Variants in TRAP1 observed in about 807,000 individuals in gnomAD.
TRAP1 encodes heat shock protein 75 kDa, mitochondrial.
Under a neutral mutation model 89.1 loss-of-function variants are expected in TRAP1, and 102 were observed. That is an observed-to-expected ratio of 1.15 (90% confidence interval 0.98 to 1.35). The LOEUF (loss-of-function observed/expected upper bound fraction) is 1.35. Among genes scored for constraint, TRAP1 ranks in the 40% most tolerant of loss-of-function variants. The pLI, the probability that TRAP1 is intolerant of heterozygous loss-of-function variation, is 0.00. For missense variants in TRAP1, 1,256 were observed against 945.3 expected (o/e 1.33, Z -4.31); for synonymous variants, 508 against 388.0 (o/e 1.31, Z -3.64).
At chr16:3,668,452 G>T (rs2050867366) in intron 11 of TRAP1, among the ~76,000 whole-genome samples, 1 of 152,188 alleles carries the variant, frequency 6.6e-6, no homozygotes, top group South Asian at 2.1e-4. Flanking sequence ...TATAACATCT[G>T]TTAATTACAA....
intron 1 of TRAP1, among the ~76,000 whole-genome samples, chr16:3,691,431 G>C (rs1294195702): frequency 6.6e-6 from 1 of 152,078 alleles, no homozygotes; most frequent in East Asian, 1.9e-4. Context: ...ATGTTGCCAA[G>C]ACTGGTCTCG....
intron 12 of TRAP1, 127 bp from the exon 13 acceptor site, chr16:3,664,586 A>C (rs1436154672): frequency 2.0e-6 from 2 of 979,756 alleles, no homozygotes; most frequent in East Asian, 2.7e-5. Context: ...GACCCGAGGG[A>C]CGGTAGTGGA....
intron 11 of TRAP1, 111 bp downstream of exon 11, chr16:3,671,611 G>T: frequency 8.2e-7 from 1 of 1,223,454 alleles, no homozygotes; most frequent in Non-Finnish European, 1.2e-6. Context: ...GGGCTTCCCC[G>T]ACCACCTCTG....
chr16:3,671,895 G>A (rs2050918870), intron 10 of TRAP1, 104 bp from the exon 11 acceptor site: 1 of 1,220,184 alleles, frequency 8.2e-7, no homozygotes, highest in East Asian at 2.4e-5. Context: ...CTTCAACCCA[G>A]CACGTGTGCT....
chr16:3,709,654 T>C (rs147943000), intron 1 of TRAP1, among the ~76,000 whole-genome samples: 1 of 151,898 alleles, frequency 6.6e-6, no homozygotes, highest in Non-Finnish European at 1.5e-5. Context: ...TCCCTTTTTT[T>C]TGTGTGTGTG....
chr16:3,662,264 C>T (rs949193549), intron 15 of TRAP1, 132 bp from the exon 16 acceptor site: 10 of 1,080,086 alleles, frequency 9.3e-6, no homozygotes, highest in East Asian at 2.6e-5. Flanking sequence ...CCTGGACCAG[C>T]GCTGCTCCCT....
rs1245042183 is a variant in TRAP1, at chr16:3,674,569, C to T, written c.889-75G>A. The T allele has an allele frequency of 1.9e-6, 3 of 1,545,944 alleles. No individual in the cohort carries two copies. The Admixed American group carries it at 5.5e-5, about 28-fold the overall frequency. ...TCTCCACCACCGTGCAGGCCTGAGCCAGTGCAGCGCCTGGCCCTGGACAGG... is the reference window on the plus strand; with the variant it reads ...TCTCCACCACCGTGCAGGCCTGAGCTAGTGCAGCGCCTGGCCCTGGACAGG... On this transcript the variant is annotated intron_variant, in intron 8 of 17. Transcript: ENST00000246957.
intron 14 of TRAP1, 51 bp downstream of exon 14, chr16:3,663,373 C>T (rs1297732696): frequency 5.0e-6 from 8 of 1,609,498 alleles, no homozygotes; most frequent in Admixed American, 3.3e-5. Context: ...GCAGGAGAGG[C>T]GTGCGGGGAG....
At chr16:3,670,676 C>G (rs2151250070) in intron 11 of TRAP1, among the ~76,000 whole-genome samples, 1 of 152,302 alleles carries the variant, frequency 6.6e-6, no homozygotes, top group South Asian at 2.1e-4. Flanking sequence ...TGCATTCCAA[C>G]CTGGACAACA....
At chr16:3,671,388 G>A (rs2050910393) in intron 11 of TRAP1, among the ~76,000 whole-genome samples, 1 of 152,258 alleles carries the variant, frequency 6.6e-6, no homozygotes, top group South Asian at 2.1e-4. Flanking sequence ...CCTGGAGCCA[G>A]CACACTGGAG....
chr16:3,715,936 C>A (rs932849342), intron 1 of TRAP1, among the ~76,000 whole-genome samples: 1 of 152,204 alleles, frequency 6.6e-6, no homozygotes, highest in Admixed American at 6.6e-5. Context: ...AATCTCAGCT[C>A]ACTGCAATCT....
rs548153387 is a variant in TRAP1, at chr16:3,667,348, G to A, written c.1236-1230C>T. On this transcript the variant is annotated intron_variant, in intron 11 of 17. Coordinates refer to ENST00000246957, the MANE Select transcript of TRAP1 (RefSeq NM_016292.3). Reference sequence around the variant, plus strand: ...AACCGTGCTAAGAATAATCAACGGGGCATGGTGGCTCCTGCCTGTAATCGC... The same window carrying A: ...AACCGTGCTAAGAATAATCAACGGGACATGGTGGCTCCTGCCTGTAATCGC... 1.1e-3 allele frequency among the ~76,000 whole-genome samples: 170 copies of A among 152,256 alleles called. 2 individuals are homozygous for A. The highest frequency in any genetic ancestry group is 3.6e-3 in the African/African-American group (151 of 41,544).
chr16:3,694,709 C>G (rs953024700), intron 1 of TRAP1, among the ~76,000 whole-genome samples: 1 of 152,130 alleles, frequency 6.6e-6, no homozygotes, highest in Non-Finnish European at 1.5e-5. Flanking sequence ...AACTCCTGGA[C>G]TCAAGTAATC....
At chr16:3,698,209 C>T (rs2051316203) in intron 1 of TRAP1, among the ~76,000 whole-genome samples, 2 of 151,994 alleles carry the variant, frequency 1.3e-5, no homozygotes, top group South Asian at 2.1e-4. Context: ...TCTATATTTC[C>T]AGCCAGAATT....
chr16:3,706,975 T>C (rs2051456268), intron 1 of TRAP1, among the ~76,000 whole-genome samples: 1 of 152,122 alleles, frequency 6.6e-6, no homozygotes, highest in Non-Finnish European at 1.5e-5. Context: ...CGCACCGTTT[T>C]ACATTCTCAC....
At chr16:3,696,065 C>T (rs1486545949) in intron 1 of TRAP1, among the ~76,000 whole-genome samples, 4 of 152,196 alleles carry the variant, frequency 2.6e-5, no homozygotes, top group Admixed American at 2.6e-4. Flanking sequence ...CGATGACCCC[C>T]CACTTAGGCT....
intron 1 of TRAP1, among the ~76,000 whole-genome samples, chr16:3,692,312 G>T (rs555974832): frequency 6.6e-6 from 1 of 152,266 alleles, no homozygotes; most frequent in Admixed American, 6.5e-5. Flanking sequence ...GAGGTAGGCG[G>T]ATCACATGAG....
chr16:3,671,506 A>G (rs1450806618), intron 11 of TRAP1, among the ~76,000 whole-genome samples: 3 of 152,048 alleles, frequency 2.0e-5, no homozygotes. Context: ...CTCCAGCCTC[A>G]GCCATGACCA....
chr16:3,679,331 C>A (rs1469397086), intron 5 of TRAP1, among the ~76,000 whole-genome samples: 3 of 152,052 alleles, frequency 2.0e-5, no homozygotes, highest in Non-Finnish European at 4.4e-5. Context: ...AAAAACAACA[C>A]AATGATAAAA....
Sources: gnomAD v4.1 joint callset for allele counts (sites outside exome capture counted in the v4.1 genomes callset) on GRCh38, gnomAD v4.1.1 for gene constraint, MANE v1.5 for transcripts, NCBI Gene and HGNC (gene_info 2026-07-23, HGNC 2026-07-21) for gene names.